The following SPTAN1 variants were observed in gnomAD, a reference collection of about 807,000 sequenced individuals.
The protein encoded by SPTAN1 is spectrin alpha chain, non-erythrocytic 1.
A neutral mutation model predicts 331.3 loss-of-function variants in SPTAN1; 61 were observed. The ratio of observed to expected loss-of-function variants is 0.18; its 90% CI spans 0.15 to 0.23. The LOEUF (loss-of-function observed/expected upper bound fraction) is 0.23, where lower values mean the gene tolerates loss of function less well. Ranked by LOEUF, SPTAN1 falls within the 10% of genes least tolerant of loss-of-function variation. SPTAN1 has a pLI of 1.00. For synonymous variants in SPTAN1, 1,153 were observed against 1,173.9 expected, an observed-to-expected ratio of 0.98 and a Z score of 0.36; for missense variants, 2,043 against 3,147.9, an observed-to-expected ratio of 0.65 and a Z score of 8.40.
At chr9:128,622,862 C>A (rs1589373889) in intron 45 of SPTAN1, among the ~76,000 whole-genome samples, 1 of 151,550 alleles carries the variant, frequency 6.6e-6, no homozygotes, top group East Asian at 1.9e-4. Flanking sequence ...AAGTGACTCT[C>A]CTGCCTCAGC....
intron 28 of SPTAN1, 127 bp downstream of exon 28, chr9:128,603,717 C>G: frequency 8.5e-7 from 1 of 1,170,136 alleles, no homozygotes; most frequent in African/African-American, 1.5e-5. Context: ...CTATTGGGTC[C>G]AAGCATGTCC....
In SPTAN1 at chr9:128,621,025, T is replaced by C. The variant is rs112867559; in HGVS notation, c.5734-133T>C. ...TATTTATTAATGTTCCTCTTTATTA[T>C]CCTCTTCCCCAGCTAGACTGTAATG... On this transcript the variant is annotated intron_variant, in intron 44 of 56. Coordinates refer to ENST00000372739, the MANE Select transcript of SPTAN1 (RefSeq NM_001130438.3). 2.6e-4 allele frequency: 196 copies of C among 760,304 alleles called. 1 individual carries two copies. The African/African-American group carries it at 2.8e-3, about 11-fold the overall frequency. The allele number at this position is 760,304 out of a possible 1,614,324, so 47.1% of individuals were successfully genotyped here.
Position 128,615,691 on chromosome 9 carries a change from C to T in SPTAN1, c.5208C>T (p.Asp1736=). ...GCCTGATGACCAGCAGTGCCTTCGA[C>T]ACCTCCCAAGTAAAGGACAAGAGGG... The part of the protein sequence containing the change: ...ADSLMTSSAF[D]TSQVKDKRDT... Residue 1736 remains aspartate, a synonymous_variant, in exon 41 of 57, where the codon GAC becomes GAT. Coordinates refer to ENST00000372739, the MANE Select transcript of SPTAN1 (RefSeq NM_001130438.3). 1 of 1,614,186 alleles carries T rather than the reference C, an allele frequency of 6.2e-7. No individual in the cohort carries two copies.
intron 3 of SPTAN1, among the ~76,000 whole-genome samples, chr9:128,571,247 AC>A (rs1351848747): frequency 1.3e-5 from 2 of 150,562 alleles, no homozygotes; most frequent in African/African-American, 4.9e-5. Context: ...CCATGATTGC[AC>A]CCCTGGAGTC....
intron 39 of SPTAN1, 44 bp from the exon 40 acceptor site, chr9:128,613,337 A>G (rs1194033758): frequency 1.3e-6 from 2 of 1,551,166 alleles, no homozygotes; most frequent in African/African-American, 2.7e-5. Context: ...AATGCTGAGT[A>G]TACACCACAC....
intron 1 of SPTAN1, among the ~76,000 whole-genome samples, chr9:128,561,349 C>T (rs1319485067): frequency 1.7e-4 from 21 of 126,838 alleles, no homozygotes; most frequent in Non-Finnish European, 2.9e-4. Context: ...TCCAGCCTGG[C>T]GACAGAGCAA....
chr9:128,557,410 G>A (rs773878824), intron 1 of SPTAN1, among the ~76,000 whole-genome samples: 28 of 152,170 alleles, frequency 1.8e-4, no homozygotes, highest in Non-Finnish European at 3.7e-4. Flanking sequence ...GGTTTACAGA[G>A]TCCAGAGCAT....
At chr9:128,603,617 A>T (rs1257041427) in intron 28 of SPTAN1, 27 bp downstream of exon 28, 1 of 1,613,868 alleles carries the variant, frequency 6.2e-7, no homozygotes, top group African/African-American at 1.3e-5. Flanking sequence ...AGCTCCTCTG[A>T]TCTCCCCTGG....
Position 128,598,985 on chromosome 9 carries a change from G to A in SPTAN1, c.3542G>A (p.Arg1181Lys). ...TAGGAAGTGTATGGCATGATGCCCA[G>A]GGTAAGTTTCGGGTGCTGTGTGTGG... is the stretch of plus-strand genomic sequence containing the variant. The part of the protein sequence containing the change: ...QQQEVYGMMP[R>K]DETDSKTASP... Residue 1181 changes from arginine (R) to lysine (K), a missense_variant and splice_region_variant, in exon 26 of 57, where the codon AGG becomes AAG. By Grantham distance (26) the Arg-to-Lys change is conservative. Coordinates refer to ENST00000372739, the MANE Select transcript of SPTAN1 (RefSeq NM_001130438.3). The A allele has an allele frequency of 2.5e-6, 4 of 1,614,014 alleles. No individual in the cohort carries two copies. The highest frequency in any genetic ancestry group is 3.4e-6 in the Non-Finnish European group (4 of 1,179,868).
intron 19 of SPTAN1, 98 bp downstream of exon 19, chr9:128,586,063 C>T: frequency 1.1e-6 from 1 of 908,412 alleles, no homozygotes; most frequent in Non-Finnish European, 1.8e-6. Context: ...GGGAGGTGTG[C>T]ATTACAGTGA....
chr9:128,629,740 TG>T lies in SPTAN1; in HGVS notation c.6708-577del, dbSNP rs1444663221. The T allele has an allele frequency of 1.9e-5, 4 of 205,240 alleles. No homozygotes were observed. The highest frequency in any genetic ancestry group is 1.0e-4 in the Admixed American group (2 of 19,062). 12.7% of individuals were successfully genotyped at this position (205,240 alleles called of 1,614,324 possible). ...GTGTCTAGAGGATGGAACCGGGATC[TG>T]GGGTTTAGTCACAGCCATCTCTCTC... On this transcript the variant is annotated intron_variant, in intron 51 of 56. Transcript: ENST00000372739. The surrounding 1 kb of genome is among the most constrained non-coding windows in gnomAD (Gnocchi z 4.9).
intron 3 of SPTAN1, among the ~76,000 whole-genome samples, chr9:128,569,257 A>G (rs1850382138): frequency 6.6e-6 from 1 of 152,178 alleles, no homozygotes; most frequent in African/African-American, 2.4e-5. Flanking sequence ...ACAAGCACAG[A>G]CACTATAAAG....
At position 128,626,499 on chromosome 9, in the gene SPTAN1, G is replaced by A; in HGVS notation, c.6388G>A (p.Glu2130Lys). The change falls in exon 49 of 57, where the codon GAA (glutamate) becomes AAA (lysine). Residue 2130 changes from glutamate to lysine, a missense_variant. Glu to Lys is a moderately conservative substitution (Grantham distance 56). This residue lies in a region of SPTAN1 where 256 missense variants were observed against 376.4 expected (regional missense o/e 0.68). Transcript: ENST00000372739. ...CCCCGTGCGCTGCAACTCCTTGGAA[G>A]AAATCAAAGCTTTGCGCGAGGCCCA... Reference protein sequence around the residue: ...TDPVRCNSLEEIKALREAHDA... With the variant: ...TDPVRCNSLEKIKALREAHDA... The A allele has an allele frequency of 6.2e-7, 1 of 1,614,132 alleles. No homozygotes were observed.
intron 43 of SPTAN1, among the ~76,000 whole-genome samples, chr9:128,618,548 A>G (rs947851032): frequency 6.6e-6 from 1 of 151,978 alleles, no homozygotes; most frequent in African/African-American, 2.4e-5. Flanking sequence ...CAGTGGCACA[A>G]TCTCGGCTCA....
Position 128,617,627 on chromosome 9 carries a change from A to G in SPTAN1, c.5358-13A>G, listed in dbSNP as rs1564296896. On this transcript the variant is annotated splice_polypyrimidine_tract_variant and intron_variant, in intron 41 of 56. Coordinates refer to ENST00000372739, the MANE Select transcript of SPTAN1 (RefSeq NM_001130438.3). ...GCAGAGACTGACTGTGCTGTTTCCCATCTCTCATTCAGGGAGAAGAAGCTG... is the reference window on the plus strand; with the variant it reads ...GCAGAGACTGACTGTGCTGTTTCCCGTCTCTCATTCAGGGAGAAGAAGCTG... 1.2e-6 allele frequency: 2 copies of G among 1,614,114 alleles called. No homozygotes were observed. The highest frequency in any genetic ancestry group is 1.1e-5 in the South Asian group (1 of 91,084).
rs1344964797 is a variant in SPTAN1 at position 128,594,798 on chromosome 9, A to G, written c.3414+425A>G. 8.7e-5 allele frequency among the ~76,000 whole-genome samples: 10 copies of G among 115,200 alleles called. No homozygotes were observed. The East Asian group carries it at 2.7e-3, about 31-fold the overall frequency. 75.6% of individuals were successfully genotyped at this position (115,200 alleles called of 152,430 possible). A position where few individuals can be genotyped will look rare whatever the true frequency, so the allele number is the denominator to read the frequency against. ...TTACATAGATTATATTCCATCATGTATGTAGCTTTTTTTTTTTTTTTTTTT... is the reference window on the plus strand; with the variant it reads ...TTACATAGATTATATTCCATCATGTGTGTAGCTTTTTTTTTTTTTTTTTTT... On this transcript the variant is annotated intron_variant, in intron 24 of 56. Transcript: ENST00000372739.
At chr9:128,578,052 C>T (rs1335649528) in intron 8 of SPTAN1, 58 bp from the exon 9 acceptor site, 4 of 1,603,044 alleles carry the variant, frequency 2.5e-6, no homozygotes, top group Non-Finnish European at 3.4e-6. Flanking sequence ...TTAGGGAGGC[C>T]ATTTTCCACC....
In SPTAN1 at chr9:128,581,841, G is replaced by C; in HGVS notation, c.1521G>C (p.Lys507Asn). 1.2e-6 allele frequency: 2 copies of C among 1,614,122 alleles called. No homozygotes were observed. The highest frequency in any genetic ancestry group is 1.7e-6 in the Non-Finnish European group (2 of 1,179,990). ...DSLDSVEALL[K>N]KHEDFEKSLS... ...TGGATAGTGTGGAAGCGCTTCTTAA[G>C]AAGCACGAAGACTTTGAGAAATCCC... is the stretch of plus-strand genomic sequence containing the variant. The change falls in exon 12 of 57, where the codon AAG becomes AAC. Residue 507 changes from lysine (K) to asparagine (N), a missense_variant. By Grantham distance (94) the Lys-to-Asn change is moderately conservative. Transcript: ENST00000372739.
chr9:128,578,361 T>A, intron 9 of SPTAN1, 116 bp downstream of exon 9: 1 of 1,332,638 alleles, frequency 7.5e-7, no homozygotes, highest in Admixed American at 1.9e-5. Flanking sequence ...CACAGGTGTT[T>A]CTCATCATGA....
Sources: gnomAD v4.1 joint callset for allele counts (sites outside exome capture counted in the v4.1 genomes callset) on GRCh38, gnomAD v4.1.1 for gene constraint, gnomAD v4.1.1 regional missense constraint, Gnocchi (gnomAD v3.1) non-coding constraint, MANE v1.5 for transcripts, NCBI Gene and HGNC (gene_info 2026-07-23, HGNC 2026-07-21) for gene names.